The following SH3KBP1 variants were observed in gnomAD, a reference collection of about 807,000 sequenced individuals.
The protein encoded by SH3KBP1 is SH3 domain containing kinase binding protein 1.
Under a neutral mutation model 50.1 loss-of-function variants are expected in SH3KBP1, and 8 were observed. The observed-to-expected ratio is 0.16, with a 90% confidence interval of 0.09 to 0.29. SH3KBP1 has a LOEUF of 0.29. Among genes scored for constraint, SH3KBP1 ranks in the 10% least tolerant of loss-of-function variants. SH3KBP1 has a pLI of 1.00. For synonymous variants in SH3KBP1, 227 were observed against 218.6 expected (o/e 1.04, Z -0.34); for missense variants, 377 against 535.2 (o/e 0.70, Z 2.92).
At chrX:19,609,310 C>T (rs902586166) in intron 8 of SH3KBP1, among the ~76,000 whole-genome samples, 3 of 111,517 alleles carry the variant, frequency 2.7e-5, no homozygotes, top group Non-Finnish European at 5.6e-5. Context: ...GCTTCCTGCC[C>T]AGTATATATA....
intron 12 of SH3KBP1, among the ~76,000 whole-genome samples, chrX:19,581,248 C>G (rs1337808610): frequency 8.9e-6 from 1 of 112,340 alleles, no homozygotes; most frequent in Non-Finnish European, 1.9e-5. Flanking sequence ...AAGCCAACCT[C>G]TGTAATTTCT....
intron 15 of SH3KBP1, among the ~76,000 whole-genome samples, chrX:19,543,355 T>C (rs1455224712): frequency 5.4e-5 from 6 of 111,521 alleles, no homozygotes; most frequent in Non-Finnish European, 1.1e-4. Context: ...ACATTGGATT[T>C]TAGGAGCCCT....
intron 8 of SH3KBP1, among the ~76,000 whole-genome samples, chrX:19,610,790 G>A (rs1934489784): frequency 1.8e-5 from 2 of 111,996 alleles, no homozygotes; most frequent in Admixed American, 9.4e-5. Context: ...TTACATGTGT[G>A]AATGGTTTGC....
intron 7 of SH3KBP1, among the ~76,000 whole-genome samples, chrX:19,638,148 C>A (rs2061756702): frequency 9.2e-6 from 1 of 109,096 alleles, no homozygotes; most frequent in Non-Finnish European, 1.9e-5. Context: ...CGGTGGCTCA[C>A]ACCTGTAATC....
At chrX:19,716,926 G>A (rs1360085470) in intron 3 of SH3KBP1, among the ~76,000 whole-genome samples, 1 of 111,291 alleles carries the variant, frequency 9.0e-6, no homozygotes, top group Non-Finnish European at 1.9e-5. Flanking sequence ...CTAAAGATGA[G>A]GACTTTATTT....
At chrX:19,808,606 C>T (rs1051607588) in intron 2 of SH3KBP1, among the ~76,000 whole-genome samples, 12 of 111,361 alleles carry the variant, frequency 1.1e-4, no homozygotes, top group African/African-American at 3.9e-4. Context: ...CCCTCCCCCA[C>T]AACTGCTGCC....
intron 2 of SH3KBP1, among the ~76,000 whole-genome samples, chrX:19,809,790 T>G: frequency 8.9e-6 from 1 of 111,840 alleles, no homozygotes. Context: ...TGCAGTACAT[T>G]ATGCAACACC....
chrX:19,833,771 C>T (rs2147418222), intron 2 of SH3KBP1, among the ~76,000 whole-genome samples: 1 of 111,965 alleles, frequency 8.9e-6, no homozygotes, highest in South Asian at 3.7e-4. Flanking sequence ...ATTCCTTCTT[C>T]CTTCATCTTC....
At chrX:19,860,018 T>C (rs1214430635) in intron 1 of SH3KBP1, among the ~76,000 whole-genome samples, 5 of 111,503 alleles carry the variant, frequency 4.5e-5, no homozygotes, top group African/African-American at 1.3e-4. Context: ...TAAATGACAC[T>C]AGCCAAAAGG....
intron 2 of SH3KBP1, among the ~76,000 whole-genome samples, chrX:19,825,832 C>A (rs903364260): frequency 9.0e-6 from 1 of 111,729 alleles, no homozygotes; most frequent in Non-Finnish European, 1.9e-5. Context: ...CCAGATTGCA[C>A]CACTGCATTC....
intron 7 of SH3KBP1, among the ~76,000 whole-genome samples, chrX:19,632,808 C>T (rs2061608235): frequency 8.9e-6 from 1 of 112,434 alleles, no homozygotes; most frequent in Non-Finnish European, 1.9e-5. Context: ...ACTTGGAAAA[C>T]TAGGCCTTGA....
At chrX:19,548,226 G>C (rs757932510) in intron 14 of SH3KBP1, among the ~76,000 whole-genome samples, 1 of 112,330 alleles carries the variant, frequency 8.9e-6, no homozygotes, top group Non-Finnish European at 1.9e-5. Context: ...TCTCAGGCAT[G>C]GGATGTATGG....
rs192949333 is a variant in SH3KBP1 at position 19,580,024 on chromosome X, A to G, written c.1298+8619T>C. On this transcript the variant is annotated intron_variant, in intron 12 of 17. Coordinates refer to ENST00000397821, the MANE Select transcript of SH3KBP1 (RefSeq NM_031892.3). ...TAAACTCTCCACACCTGAGCAAGGT[A>G]GGCCTTGTGGTGTCATTTTGCAGGG... Among the ~76,000 whole-genome samples, 4 of 111,701 alleles carry G rather than the reference A, an allele frequency of 3.6e-5. No homozygotes were observed. The East Asian group carries it at 8.6e-4, about 24-fold the overall frequency.
At chrX:19,807,988 C>A (rs2067100187) in intron 2 of SH3KBP1, among the ~76,000 whole-genome samples, 1 of 111,713 alleles carries the variant, frequency 9.0e-6, no homozygotes, top group African/African-American at 3.3e-5. Flanking sequence ...TTTGTTGTTC[C>A]TATGAACATC....
chrX:19,656,766 C>A (rs143931873), intron 6 of SH3KBP1, among the ~76,000 whole-genome samples: 1,229 of 111,963 alleles, frequency 0.011, 19 homozygotes, highest in African/African-American at 0.037. Flanking sequence ...GGCCTGTAAT[C>A]ATTTTGAACA....
At chrX:19,753,580 T>C (rs2065130153) in intron 2 of SH3KBP1, among the ~76,000 whole-genome samples, 1 of 111,107 alleles carries the variant, frequency 9.0e-6, no homozygotes, top group South Asian at 3.9e-4. Flanking sequence ...TTCCCAGTAT[T>C]TGGCTCTCTT....
chrX:19,886,952 C>A (rs1417147980), intron 1 of SH3KBP1, among the ~76,000 whole-genome samples: 1 of 110,116 alleles, frequency 9.1e-6, no homozygotes, highest in East Asian at 2.9e-4. Context: ...CCCGTGTCCG[C>A]AGCGCAGAGG....
At chrX:19,626,598 C>T (rs185792099) in intron 8 of SH3KBP1, among the ~76,000 whole-genome samples, 58 of 110,747 alleles carry the variant, frequency 5.2e-4, no homozygotes, top group African/African-American at 1.8e-3. Context: ...GACAGGGTCT[C>T]ACTCTGTCCC....
At chrX:19,602,913 A>G (rs1284920670) in intron 9 of SH3KBP1, among the ~76,000 whole-genome samples, 1 of 111,817 alleles carries the variant, frequency 8.9e-6, no homozygotes, top group African/African-American at 3.3e-5. Flanking sequence ...CATTGTGGGA[A>G]TCGAGCAAGA....
Sources: allele counts gnomAD v4.1 joint callset (sites outside exome capture counted in the v4.1 genomes callset), GRCh38; gene constraint gnomAD v4.1.1; transcripts MANE v1.5; gene names NCBI Gene and HGNC (gene_info 2026-07-23, HGNC 2026-07-21).